Variants in QTGAL observed in about 807,000 individuals in gnomAD.
QTGAL encodes the protein queuosine-tRNA galactosyltransferase, also known as BGnT-like protein 1.
chr17:82,981,792 CG>C, the QTGAL span: 3 of 152,232 alleles, frequency 2.0e-5, no homozygotes, highest in Non-Finnish European at 4.4e-5. Flanking sequence ...TACTGTTGAC[CG>C]GATGCCTTAC....
the QTGAL span, among the ~76,000 whole-genome samples, chr17:83,020,938 T>G: frequency 1.3e-5 from 2 of 152,212 alleles, no homozygotes; most frequent in African/African-American, 2.4e-5. Flanking sequence ...TGGTTACATT[T>G]TCTATGGTGG....
chr17:83,004,618 C>T, the QTGAL span, among the ~76,000 whole-genome samples: 287 of 143,842 alleles, frequency 2.0e-3, 17 homozygotes, highest in African/African-American at 7.3e-3. Flanking sequence ...TTCCTGAGCT[C>T]GCCCTCCCAC....
chr17:82,964,027 T>C, the QTGAL span, among the ~76,000 whole-genome samples: 27 of 144,840 alleles, frequency 1.9e-4, 1 homozygote, highest in Non-Finnish European at 3.3e-4. Flanking sequence ...AAGGCTGAGG[T>C]CGGGGGGGTG....
At chr17:83,031,913 G>C in the QTGAL span, among the ~76,000 whole-genome samples, 3 of 152,378 alleles carry the variant, frequency 2.0e-5, no homozygotes, top group East Asian at 5.8e-4. Context: ...CTTCGAGGAT[G>C]TTCACTCTCG....
At chr17:82,988,165 T>A in the QTGAL span, among the ~76,000 whole-genome samples, 3 of 152,186 alleles carry the variant, frequency 2.0e-5, no homozygotes, top group African/African-American at 7.2e-5. Flanking sequence ...CTTAAGGAGC[T>A]TTTGGGCTAA....
chr17:83,034,191 C>A, the QTGAL span, among the ~76,000 whole-genome samples: 24 of 152,286 alleles, frequency 1.6e-4, no homozygotes, highest in African/African-American at 5.8e-4. Flanking sequence ...CCATCTGCCT[C>A]GGCCTCCCAA....
chr17:82,964,255 C>CAAA, the QTGAL span, among the ~76,000 whole-genome samples: 2,852 of 72,018 alleles, frequency 0.04, 232 homozygotes, highest in African/African-American at 0.1. Context: ...GACCCTGTCT[C>CAAA]AAAAAAAAAA....
the QTGAL span, among the ~76,000 whole-genome samples, chr17:82,953,745 C>G: frequency 6.6e-6 from 1 of 152,164 alleles, no homozygotes; most frequent in South Asian, 2.1e-4. Context: ...ATGTGAAAAT[C>G]ATCAATAAAA....
chr17:83,017,511 T>A, the QTGAL span, among the ~76,000 whole-genome samples: 17,716 of 151,822 alleles, frequency 0.12, 1,108 homozygotes, highest in South Asian at 0.2. Flanking sequence ...TAGTCCCAGC[T>A]ACTCAGGAAG....
At chr17:83,013,978 G>C in the QTGAL span, among the ~76,000 whole-genome samples, 2 of 152,148 alleles carry the variant, frequency 1.3e-5, no homozygotes, top group Middle Eastern at 3.4e-3. Context: ...AGGAGCCCAC[G>C]GGGCACTGCT....
At chr17:83,047,540 A>G in the QTGAL span, among the ~76,000 whole-genome samples, 9 of 141,974 alleles carry the variant, frequency 6.3e-5, 1 homozygote, top group African/African-American at 2.4e-4. Context: ...CCAAAGAATA[A>G]GAAATTTAGG....
chr17:83,015,488 C>A, the QTGAL span, among the ~76,000 whole-genome samples: 1 of 152,368 alleles, frequency 6.6e-6, no homozygotes, highest in Non-Finnish European at 1.5e-5. The surrounding 1 kb of genome is among the most constrained non-coding windows in gnomAD (Gnocchi z 4.4). Flanking sequence ...AGAAATTTCA[C>A]AAGCCTAATG....
the QTGAL span, among the ~76,000 whole-genome samples, chr17:83,025,565 C>T: frequency 2.8e-5 from 3 of 108,636 alleles, no homozygotes; most frequent in Admixed American, 1.0e-4. Flanking sequence ...ACACGGACAC[C>T]GCGGAGAGTC....
chr17:83,045,065 G>A, the QTGAL span, among the ~76,000 whole-genome samples: 1 of 152,104 alleles, frequency 6.6e-6, no homozygotes, highest in Non-Finnish European at 1.5e-5. Flanking sequence ...AACTATTAAA[G>A]CTAATAAACT....
At chr17:83,002,284 C>T in the QTGAL span, among the ~76,000 whole-genome samples, 3 of 152,202 alleles carry the variant, frequency 2.0e-5, no homozygotes, top group Non-Finnish European at 4.4e-5. Flanking sequence ...TCGGTGACAG[C>T]GCTCTGACCG....
the QTGAL span, among the ~76,000 whole-genome samples, chr17:82,974,240 T>C: frequency 6.6e-6 from 1 of 152,060 alleles, no homozygotes; most frequent in Non-Finnish European, 1.5e-5. Flanking sequence ...GCCCCACAGG[T>C]TTGGGGAACG....
chr17:82,963,071 G>A, the QTGAL span, among the ~76,000 whole-genome samples: 1 of 152,196 alleles, frequency 6.6e-6, no homozygotes, highest in African/African-American at 2.4e-5. Context: ...ACCCAGAAAG[G>A]CATCAGGGAA....
At chr17:83,024,451 C>A in the QTGAL span, among the ~76,000 whole-genome samples, 1 of 152,260 alleles carries the variant, frequency 6.6e-6, no homozygotes, top group African/African-American at 2.4e-5. Flanking sequence ...CAGGCGCGGA[C>A]GTGGCCAGCA....
the QTGAL span, among the ~76,000 whole-genome samples, chr17:82,963,410 C>T: frequency 8.5e-5 from 13 of 152,226 alleles, no homozygotes; most frequent in African/African-American, 3.1e-4. Context: ...CAGGGCCCAG[C>T]GATTGGAGTC....
Sources: gnomAD v4.1 joint callset for allele counts (sites outside exome capture counted in the v4.1 genomes callset) on GRCh38, gnomAD v4.1.1 for gene constraint, Gnocchi (gnomAD v3.1) non-coding constraint, MANE v1.5 for transcripts, NCBI Gene and HGNC (gene_info 2026-07-23, HGNC 2026-07-21) for gene names.